Variants in GRID1 observed in about 807,000 individuals in gnomAD.
GRID1 encodes glutamate receptor ionotropic, delta-1.
Under a neutral mutation model 98.0 loss-of-function variants are expected in GRID1, and 28 were observed. The ratio of observed to expected loss-of-function variants is 0.29; its 90% CI spans 0.21 to 0.39. The LOEUF (loss-of-function observed/expected upper bound fraction) is 0.39, where lower values mean the gene tolerates loss of function less well. Among genes scored for constraint, GRID1 ranks in the 10% least tolerant of loss-of-function variants. The pLI is 1.00. For synonymous variants in GRID1, 553 were observed against 538.5 expected, an observed-to-expected ratio of 1.03 and a Z score of -0.37; for missense variants, 1,111 against 1,340.5, an observed-to-expected ratio of 0.83 and a Z score of 2.67.
chr10:86,244,653 C>G (rs1363574248), intron 2 of GRID1, among the ~76,000 whole-genome samples: 1 of 152,246 alleles, frequency 6.6e-6, no homozygotes, highest in African/African-American at 2.4e-5. Context: ...GCAGCGAGGC[C>G]TGGGCCCCTT....
chr10:85,789,093 G>A (rs1219611215), intron 8 of GRID1, among the ~76,000 whole-genome samples: 2 of 152,190 alleles, frequency 1.3e-5, no homozygotes, highest in Non-Finnish European at 2.9e-5. Context: ...TTTCGGGAAG[G>A]AGGCAGAATA....
chr10:85,992,558 G>T (rs1174651189), intron 4 of GRID1, among the ~76,000 whole-genome samples: 3 of 151,580 alleles, frequency 2.0e-5, no homozygotes, highest in Non-Finnish European at 4.4e-5. Flanking sequence ...GAGTGAGCCA[G>T]AGTGTTCAGG....
At chr10:86,105,988 A>G (rs564835893) in intron 4 of GRID1, among the ~76,000 whole-genome samples, 2 of 152,188 alleles carry the variant, frequency 1.3e-5, no homozygotes, top group African/African-American at 4.8e-5. Flanking sequence ...AAGATGTTGG[A>G]AAGGCCAGTG....
intron 4 of GRID1, among the ~76,000 whole-genome samples, chr10:86,092,008 C>T (rs966403172): frequency 6.6e-6 from 1 of 152,158 alleles, no homozygotes; most frequent in African/African-American, 2.4e-5. Flanking sequence ...CTAGACCTTC[C>T]CTCTGACAGA....
intron 4 of GRID1, among the ~76,000 whole-genome samples, chr10:85,921,382 C>G (rs774414020): frequency 5.3e-5 from 8 of 152,194 alleles, no homozygotes; most frequent in Admixed American, 5.2e-4. Flanking sequence ...TCTCCCTGCT[C>G]GAGAGCAACA....
chr10:86,328,460 AG>A (rs1479575434), intron 2 of GRID1, among the ~76,000 whole-genome samples: 7 of 152,252 alleles, frequency 4.6e-5, no homozygotes, highest in African/African-American at 1.7e-4. Context: ...CATGTGAAGA[AG>A]TCTGCAAGAG....
chr10:85,993,449 A>G (rs2131869693), intron 4 of GRID1, among the ~76,000 whole-genome samples: 1 of 152,342 alleles, frequency 6.6e-6, no homozygotes, highest in South Asian at 2.1e-4. Flanking sequence ...AAAAGCATGG[A>G]CATTTATATC....
At chr10:85,924,757 A>C (rs1841751931) in intron 4 of GRID1, among the ~76,000 whole-genome samples, 1 of 152,252 alleles carries the variant, frequency 6.6e-6, no homozygotes, top group Non-Finnish European at 1.5e-5. Context: ...AAATTCTGAT[A>C]GATGTGAACA....
At chr10:85,932,218 T>C (rs773293841) in intron 4 of GRID1, among the ~76,000 whole-genome samples, 1 of 152,134 alleles carries the variant, frequency 6.6e-6, no homozygotes, top group Non-Finnish European at 1.5e-5. Context: ...TTCCATCCAC[T>C]TTTTTAAAAA....
intron 5 of GRID1, among the ~76,000 whole-genome samples, chr10:85,887,090 A>C (rs533778904): frequency 2.0e-5 from 3 of 152,206 alleles, no homozygotes; most frequent in Non-Finnish European, 4.4e-5. Context: ...AGCTTAAGAA[A>C]AGTTGAGAAA....
At chr10:86,081,780 A>G (rs1564669223) in intron 4 of GRID1, among the ~76,000 whole-genome samples, 3 of 152,238 alleles carry the variant, frequency 2.0e-5, no homozygotes, top group Admixed American at 1.3e-4. Context: ...GCGACATACT[A>G]TATGATTCCA....
At chr10:85,901,579 T>C (rs1841390364) in intron 5 of GRID1, among the ~76,000 whole-genome samples, 1 of 152,144 alleles carries the variant, frequency 6.6e-6, no homozygotes, top group African/African-American at 2.4e-5. Context: ...TCCTATATGT[T>C]AGCTCATTTA....
At chr10:85,911,789 C>A (rs1437634200) in intron 5 of GRID1, among the ~76,000 whole-genome samples, 1 of 152,134 alleles carries the variant, frequency 6.6e-6, no homozygotes, top group Non-Finnish European at 1.5e-5. Flanking sequence ...CACAAAGTTC[C>A]CAAGAGGCCA....
At chr10:86,017,870 A>G (rs1458091023) in intron 4 of GRID1, among the ~76,000 whole-genome samples, 2 of 152,208 alleles carry the variant, frequency 1.3e-5, no homozygotes, top group African/African-American at 4.8e-5. Context: ...AAGGAGGGAA[A>G]GAGAGGAGGT....
At chr10:85,814,078 G>A (rs1181377213) in intron 8 of GRID1, among the ~76,000 whole-genome samples, 1 of 151,742 alleles carries the variant, frequency 6.6e-6, no homozygotes, top group African/African-American at 2.4e-5. Flanking sequence ...GAAAATTGTA[G>A]ACATAAACCC....
chr10:85,638,221 G>C (rs1843073291), intron 13 of GRID1, among the ~76,000 whole-genome samples: 1 of 152,090 alleles, frequency 6.6e-6, no homozygotes, highest in Non-Finnish European at 1.5e-5. Flanking sequence ...TTTTTGAACA[G>C]AAAAACCATG....
At chr10:85,794,599 G>A (rs1842509366) in intron 8 of GRID1, among the ~76,000 whole-genome samples, 1 of 152,222 alleles carries the variant, frequency 6.6e-6, no homozygotes, top group Admixed American at 6.5e-5. Context: ...TAGCTGTCAG[G>A]TAATCTACTA....
intron 4 of GRID1, among the ~76,000 whole-genome samples, chr10:86,056,022 G>A (rs899891386): frequency 2.6e-5 from 4 of 152,216 alleles, no homozygotes; most frequent in South Asian, 2.1e-4. Flanking sequence ...AGCAGACAAC[G>A]TCTCACAGCT....
intron 8 of GRID1, among the ~76,000 whole-genome samples, chr10:85,823,038 T>C (rs1239061150): frequency 1.3e-5 from 2 of 152,204 alleles, no homozygotes; most frequent in East Asian, 3.9e-4. Context: ...GGGCCTGTCA[T>C]GAGTTGCGGG....
Sources: allele counts gnomAD v4.1 joint callset (sites outside exome capture counted in the v4.1 genomes callset), GRCh38; gene constraint gnomAD v4.1.1; transcripts MANE v1.5; gene names NCBI Gene and HGNC (gene_info 2026-07-23, HGNC 2026-07-21).